The following CACNG3 variants were observed in gnomAD, a reference collection of about 807,000 sequenced individuals.
CACNG3 encodes voltage-dependent calcium channel gamma-3 subunit.
A neutral mutation model predicts 28.5 loss-of-function variants in CACNG3; 3 were observed. That is an observed-to-expected ratio of 0.11 (90% CI 0.05 to 0.27). The LOEUF (loss-of-function observed/expected upper bound fraction) is 0.27, where lower values mean the gene tolerates loss of function less well. Among genes scored for constraint, CACNG3 ranks in the 10% least tolerant of loss-of-function variants. The pLI, the probability that CACNG3 is intolerant of heterozygous loss-of-function variation, is 1.00. For missense variants in CACNG3, 236 were observed against 414.4 expected, an observed-to-expected ratio of 0.57 and a Z score of 3.74; for synonymous variants, 174 against 162.2, an observed-to-expected ratio of 1.07 and a Z score of -0.55.
chr16:24,322,988 G>C (rs1027575495), intron 1 of CACNG3, among the ~76,000 whole-genome samples: 9 of 152,094 alleles, frequency 5.9e-5, no homozygotes, highest in African/African-American at 2.2e-4. Context: ...CACTTTGGGA[G>C]GTTGAGGTGG....
At chr16:24,305,669 G>C (rs1899176431) in intron 1 of CACNG3, among the ~76,000 whole-genome samples, 1 of 152,076 alleles carries the variant, frequency 6.6e-6, no homozygotes, top group Admixed American at 6.5e-5. Flanking sequence ...AGAGGAGGGA[G>C]AGCATTAGGA....
chr16:24,346,959 G>A, intron 2 of CACNG3, 142 bp downstream of exon 2: 1 of 644,382 alleles, frequency 1.6e-6, no homozygotes, highest in Non-Finnish European at 2.8e-6. Flanking sequence ...CCAGTACACA[G>A]AGACACTCAA....
At chr16:24,304,439 T>C (rs1450695040) in intron 1 of CACNG3, among the ~76,000 whole-genome samples, 2 of 152,168 alleles carry the variant, frequency 1.3e-5, no homozygotes, top group Non-Finnish European at 2.9e-5. Context: ...ATAAACTGTA[T>C]ACCTCTGCCT....
In CACNG3 at chr16:24,277,690, G is replaced by A. The variant is rs193210087; in HGVS notation, c.211+20725G>A. ...CTCTACTCAGGAGGCTGAGGCAGGA[G>A]AATCGCTTGAACCCAGGATGCGGAG... On this transcript the variant is annotated intron_variant, in intron 1 of 3. Coordinates refer to ENST00000005284, the MANE Select transcript of CACNG3 (RefSeq NM_006539.4). 5.8e-3 allele frequency among the ~76,000 whole-genome samples: 863 copies of A among 150,040 alleles called. 11 individuals carry two copies. The highest frequency in any genetic ancestry group is 6.3e-3 in the Non-Finnish European group (424 of 67,802).
chr16:24,358,506 T>C (rs1265468837), intron 3 of CACNG3, among the ~76,000 whole-genome samples: 2 of 152,224 alleles, frequency 1.3e-5, no homozygotes, highest in Non-Finnish European at 2.9e-5. Context: ...CAATGTACCA[T>C]TTAATTCTCA....
At chr16:24,306,622 C>T (rs142733160) in intron 1 of CACNG3, among the ~76,000 whole-genome samples, 22 of 152,260 alleles carry the variant, frequency 1.4e-4, no homozygotes, top group East Asian at 1.9e-4. Context: ...CTCTGCCCCA[C>T]GCCAAATTCC....
intron 1 of CACNG3, among the ~76,000 whole-genome samples, chr16:24,345,819 G>A (rs1899856717): frequency 6.6e-6 from 1 of 152,184 alleles, no homozygotes; most frequent in South Asian, 2.1e-4. Context: ...TCCTTTGGGA[G>A]GGCAGAGAGG....
At chr16:24,262,200 T>C (rs1022888740) in intron 1 of CACNG3, among the ~76,000 whole-genome samples, 4 of 152,150 alleles carry the variant, frequency 2.6e-5, no homozygotes, top group African/African-American at 9.7e-5. Context: ...GTTCAGAATG[T>C]GCTGGAGTTC....
intron 1 of CACNG3, among the ~76,000 whole-genome samples, chr16:24,317,562 G>C (rs1236467430): frequency 1.3e-4 from 4 of 30,126 alleles, no homozygotes; most frequent in Non-Finnish European, 1.8e-4. Flanking sequence ...GAAAAAGAAA[G>C]AAAGAAAGAA....
At chr16:24,358,617 A>T (rs992431097) in intron 3 of CACNG3, among the ~76,000 whole-genome samples, 1 of 152,172 alleles carries the variant, frequency 6.6e-6, no homozygotes, top group Non-Finnish European at 1.5e-5. Context: ...TGAAGGAGAT[A>T]AGCCTAGTCC....
intron 1 of CACNG3, among the ~76,000 whole-genome samples, chr16:24,328,968 C>T (rs563361732): frequency 9.0e-4 from 137 of 152,306 alleles, no homozygotes; most frequent in African/African-American, 3.2e-3. Flanking sequence ...CCCCGCCACA[C>T]CCCCATCATA....
intron 1 of CACNG3, among the ~76,000 whole-genome samples, chr16:24,343,608 T>A (rs1001990237): frequency 1.3e-5 from 2 of 152,150 alleles, no homozygotes; most frequent in Non-Finnish European, 1.5e-5. Flanking sequence ...AAAATGATCA[T>A]GAAGCGACCA....
intron 3 of CACNG3, among the ~76,000 whole-genome samples, chr16:24,356,947 A>G (rs760410818): frequency 2.6e-5 from 4 of 151,106 alleles, no homozygotes; most frequent in Non-Finnish European, 5.9e-5. Context: ...GTGCAAGAGA[A>G]CTCCCCTTTA....
At chr16:24,284,885 A>T (rs1428941462) in intron 1 of CACNG3, among the ~76,000 whole-genome samples, 2 of 93,342 alleles carry the variant, frequency 2.1e-5, no homozygotes, top group African/African-American at 4.1e-5. Flanking sequence ...GTTCTCAGCA[A>T]GTCATTGATA....
At chr16:24,287,238 C>A (rs774208788) in intron 1 of CACNG3, among the ~76,000 whole-genome samples, 7 of 152,120 alleles carry the variant, frequency 4.6e-5, no homozygotes, top group Non-Finnish European at 8.8e-5. Flanking sequence ...AGGCTCTGGG[C>A]CATGCATGGT....
At chr16:24,281,761 C>G (rs1359803773) in intron 1 of CACNG3, among the ~76,000 whole-genome samples, 1 of 152,174 alleles carries the variant, frequency 6.6e-6, no homozygotes, top group Non-Finnish European at 1.5e-5. Context: ...GCTACATGTT[C>G]TGACCAGCAT....
chr16:24,308,021 C>G (rs1327756705), intron 1 of CACNG3, among the ~76,000 whole-genome samples: 1 of 152,142 alleles, frequency 6.6e-6, no homozygotes, highest in African/African-American at 2.4e-5. Flanking sequence ...TCATCTGCAT[C>G]TGAGAAAGCA....
chr16:24,328,173 G>T (rs1899583233), intron 1 of CACNG3, among the ~76,000 whole-genome samples: 1 of 152,040 alleles, frequency 6.6e-6, no homozygotes, highest in African/African-American at 2.4e-5. Context: ...AGCACAGGGT[G>T]TGGTGCTGTG....
chr16:24,360,785 G>A (rs1258740949), intron 3 of CACNG3, among the ~76,000 whole-genome samples: 4 of 152,236 alleles, frequency 2.6e-5, no homozygotes, highest in Admixed American at 2.0e-4. Context: ...ACATGCCATC[G>A]TCAACAGTCT....
Sources: gnomAD v4.1 joint callset for allele counts (sites outside exome capture counted in the v4.1 genomes callset) on GRCh38, gnomAD v4.1.1 for gene constraint, MANE v1.5 for transcripts, NCBI Gene and HGNC (gene_info 2026-07-23, HGNC 2026-07-21) for gene names.